Variants in LHPP observed in about 807,000 individuals in gnomAD.
LHPP encodes hLHPP.
Under a neutral mutation model 30.3 loss-of-function variants are expected in LHPP, and 24 were observed. The observed-to-expected ratio is 0.79, with a 90% CI of 0.57 to 1.11. LHPP has a LOEUF of 1.11. Ranked by LOEUF, LHPP falls within the 50% of genes most tolerant of loss-of-function variation. LHPP has a pLI of 0.00. For missense variants in LHPP, 356 were observed against 367.2 expected, an observed-to-expected ratio of 0.97 and a Z score of 0.25; for synonymous variants, 150 against 157.1, an observed-to-expected ratio of 0.95 and a Z score of 0.34.
intron 6 of LHPP, among the ~76,000 whole-genome samples, chr10:124,602,191 C>T (rs1032039211): frequency 6.6e-6 from 1 of 152,214 alleles, no homozygotes; most frequent in African/African-American, 2.4e-5. Context: ...GCGAGGGAGA[C>T]GAACCAGGTT....
Position 124,574,379 on chromosome 10 carries a change from G to A in LHPP, c.717-38885G>A, listed in dbSNP as rs7073532. Among the ~76,000 whole-genome samples the A allele has an allele frequency of 3.6e-3, 541 of 152,330 alleles. 4 individuals are homozygous for A. Among genetic ancestry groups the A allele is most frequent in the African/African-American group, 0.01 (435 of 41,578 alleles). On this transcript the variant is annotated intron_variant, in intron 6 of 6. Coordinates refer to ENST00000368842, the MANE Select transcript of LHPP (RefSeq NM_022126.4). ...CGCCACCAAGAGCAGGGCCCCAAGA[G>A]GGGCCCTCGGCATAGTCCCCTCGAG...
rs910850193 is a variant in LHPP, at chr10:124,478,605, C to T, written c.126-5534C>T. The stretch of plus-strand genomic sequence containing the variant: ...AGGGTTTTCATTATTTGCGGGTGAG[C>T]GCTCCTGGCAGATGCCAACAGCCAG... On this transcript the variant is annotated intron_variant, in intron 1 of 6. Transcript: ENST00000368842. The surrounding 1 kb of genome is among the most constrained non-coding windows in gnomAD (Gnocchi z 4.7). Among the ~76,000 whole-genome samples, 1 of 152,186 alleles carries T rather than the reference C, an allele frequency of 6.6e-6. No individual in the cohort carries two copies. The highest frequency in any genetic ancestry group is 1.5e-5 in the Non-Finnish European group (1 of 68,034).
intron 6 of LHPP, among the ~76,000 whole-genome samples, chr10:124,581,751 A>G (rs573337880): frequency 1.3e-4 from 14 of 107,970 alleles, no homozygotes; most frequent in African/African-American, 5.3e-4. Flanking sequence ...CAATTTTAAT[A>G]CATACATATA....
chr10:124,477,339 A>G (rs1952980980), intron 1 of LHPP, among the ~76,000 whole-genome samples: 1 of 152,102 alleles, frequency 6.6e-6, no homozygotes, highest in Non-Finnish European at 1.5e-5. Context: ...TGAGGCATTG[A>G]GCTTGTATTT....
chr10:124,476,050 C>T (rs577696569), intron 1 of LHPP, among the ~76,000 whole-genome samples: 1 of 152,242 alleles, frequency 6.6e-6, no homozygotes, highest in South Asian at 2.1e-4. Context: ...TCAGAGAACA[C>T]TCTAGATGGG....
intron 6 of LHPP, among the ~76,000 whole-genome samples, chr10:124,550,467 T>C (rs976572660): frequency 4.7e-4 from 71 of 152,160 alleles, no homozygotes; most frequent in Admixed American, 2.0e-3. Context: ...CGCCTGCTTT[T>C]GTTTCTTCCT....
chr10:124,542,169 G>C (rs953413768), intron 6 of LHPP, among the ~76,000 whole-genome samples: 2 of 152,150 alleles, frequency 1.3e-5, no homozygotes, highest in Non-Finnish European at 2.9e-5. Context: ...GGGGTCTGGG[G>C]CTGGCGTTCG....
At chr10:124,521,402 G>A (rs1954609552) in intron 6 of LHPP, among the ~76,000 whole-genome samples, 1 of 152,244 alleles carries the variant, frequency 6.6e-6, no homozygotes, top group African/African-American at 2.4e-5. Context: ...CCCCCCAGGG[G>A]CAGCAGCTGT....
Position 124,510,673 on chromosome 10 carries a change from G to A in LHPP, c.625-6507G>A, listed in dbSNP as rs988816044. Among the ~76,000 whole-genome samples, 7 of 152,206 alleles carry A rather than the reference G, an allele frequency of 4.6e-5. No individual in the cohort carries two copies. The highest frequency in any genetic ancestry group is 3.8e-4 in the East Asian group (2 of 5,204). ...GCATGCACACAGTTTCATTTTCCCC[G>A]GAAGCATGGAGGTGTAGGATGACAT... On this transcript the variant is annotated intron_variant, in intron 5 of 6. Transcript: ENST00000368842. This position sits in a 1 kb window ranked among gnomAD's most constrained non-coding sequence, Gnocchi z 4.0.
chr10:124,479,371 C>T (rs993065568), intron 1 of LHPP, among the ~76,000 whole-genome samples: 3 of 152,216 alleles, frequency 2.0e-5, no homozygotes, highest in African/African-American at 7.2e-5. Flanking sequence ...TTTTGGAATT[C>T]TTGTACTTCA....
intron 6 of LHPP, among the ~76,000 whole-genome samples, chr10:124,544,484 G>A (rs1214372425): frequency 6.6e-6 from 1 of 152,218 alleles, no homozygotes; most frequent in Admixed American, 6.5e-5. Flanking sequence ...ATGGGGCATT[G>A]AGATCCTGGG....
At chr10:124,555,408 AG>A (rs1160838839) in intron 6 of LHPP, among the ~76,000 whole-genome samples, 1 of 152,160 alleles carries the variant, frequency 6.6e-6, no homozygotes, top group Non-Finnish European at 1.5e-5. Context: ...CCTGCCTTAC[AG>A]GGCCTGGCCC....
chr10:124,487,862 A>G (rs1261688943), intron 2 of LHPP, among the ~76,000 whole-genome samples: 3 of 152,184 alleles, frequency 2.0e-5, no homozygotes, highest in African/African-American at 7.2e-5. Context: ...AAATTTTCCT[A>G]TTTTAATTTA....
chr10:124,530,892 TAGCCTCATC>T (rs1301768705), intron 6 of LHPP, among the ~76,000 whole-genome samples: 4 of 141,098 alleles, frequency 2.8e-5, no homozygotes, highest in Non-Finnish European at 6.1e-5. Context: ...GCGGCCAAGG[TAGCCTCATC>T]AGCCTCACCA....
Position 124,517,810 on chromosome 10 carries a change from A to C in LHPP, c.716+539A>C, listed in dbSNP as rs1384151791. 6.6e-6 allele frequency among the ~76,000 whole-genome samples: 1 copy of C among 152,230 alleles called. No homozygotes were observed. Among genetic ancestry groups the C allele is most frequent in the African/African-American group, 2.4e-5 (1 of 41,456 alleles). ...GGCAAAAGTCTGCCTGGTCTGGAGC[A>C]GCTGTCAGGGGTTGGGAGCTCCCAG... On this transcript the variant is annotated intron_variant, in intron 6 of 6. Coordinates refer to ENST00000368842, the MANE Select transcript of LHPP (RefSeq NM_022126.4). The surrounding 1 kb of genome is among the most constrained non-coding windows in gnomAD (Gnocchi z 4.1).
At chr10:124,586,036 G>A (rs1280767743) in intron 6 of LHPP, among the ~76,000 whole-genome samples, 1 of 152,106 alleles carries the variant, frequency 6.6e-6, no homozygotes, top group Non-Finnish European at 1.5e-5. Context: ...TGCCTGCCTT[G>A]ACCTCCCAAA....
intron 1 of LHPP, among the ~76,000 whole-genome samples, chr10:124,470,243 G>A (rs1436116312): frequency 6.6e-6 from 1 of 152,170 alleles, no homozygotes; most frequent in Non-Finnish European, 1.5e-5. Context: ...AAGGGGGTGG[G>A]CATTTACTGC....
intron 3 of LHPP, among the ~76,000 whole-genome samples, chr10:124,491,194 C>T (rs1016240721): frequency 2.0e-4 from 30 of 152,232 alleles, no homozygotes; most frequent in Non-Finnish European, 4.1e-4. Flanking sequence ...ATCACAGGCT[C>T]CCAGGGTTGC....
intron 6 of LHPP, among the ~76,000 whole-genome samples, chr10:124,547,230 GT>G (rs1440299682): frequency 6.6e-6 from 1 of 152,192 alleles, no homozygotes; most frequent in Non-Finnish European, 1.5e-5. Flanking sequence ...TCGGTGTGGA[GT>G]TCCAGTTCAT....
Sources: allele counts gnomAD v4.1 joint callset (sites outside exome capture counted in the v4.1 genomes callset), GRCh38; gene constraint gnomAD v4.1.1; non-coding constraint Gnocchi (gnomAD v3.1); transcripts MANE v1.5; gene names NCBI Gene and HGNC (gene_info 2026-07-23, HGNC 2026-07-21).